Variants in RSRC1 observed in about 807,000 individuals in gnomAD.
RSRC1 encodes the protein arginine and serine rich coiled-coil 1.
RSRC1 carries 39 observed loss-of-function variants against 49.1 expected under a neutral mutation model. The observed-to-expected ratio is 0.79, with a 90% CI of 0.61 to 1.04. RSRC1 has a LOEUF of 1.04. Ranked by LOEUF, RSRC1 falls within the 50% of genes least tolerant of loss-of-function variation. The pLI is 0.00. For synonymous variants in RSRC1, 143 were observed against 130.8 expected (o/e 1.09, Z -0.63); for missense variants, 388 against 402.4 (o/e 0.96, Z 0.31).
At chr3:158,367,501 G>A (rs1401936698) in intron 6 of RSRC1, among the ~76,000 whole-genome samples, 1 of 152,098 alleles carries the variant, frequency 6.6e-6, no homozygotes, top group Admixed American at 6.6e-5. Flanking sequence ...TGATCATGGT[G>A]GATACGCTTT....
intron 3 of RSRC1, among the ~76,000 whole-genome samples, chr3:158,184,358 G>C (rs1265051396): frequency 6.6e-6 from 1 of 151,510 alleles, no homozygotes; most frequent in African/African-American, 2.4e-5. Flanking sequence ...CATATGCTTC[G>C]ATTTCAAGTT....
At chr3:158,179,632 TTAAC>T (rs1719465249) in intron 3 of RSRC1, among the ~76,000 whole-genome samples, 1 of 152,200 alleles carries the variant, frequency 6.6e-6, no homozygotes, top group Non-Finnish European at 1.5e-5. Flanking sequence ...CTCAGTTTGT[TTAAC>T]TATTATCCAT....
At position 158,202,565 on chromosome 3, in the gene RSRC1, TATATATA is replaced by T; in HGVS notation, c.321-506_321-500del. ...GTAGGGTTGTCAGTCTGGTAGATTATATATATATATATATATGTTTTATCAATATTGT... is the reference window on the plus strand; with the variant it reads ...GTAGGGTTGTCAGTCTGGTAGATTATTATATATATGTTTTATCAATATTGT... On this transcript the variant is annotated intron_variant, in intron 3 of 9. Transcript: ENST00000611884. 2.2e-5 allele frequency among the ~76,000 whole-genome samples: 3 copies of T among 137,232 alleles called. 1 individual carries two copies. Among genetic ancestry groups the T allele is most frequent in the African/African-American group, 5.7e-5 (2 of 35,368 alleles). The allele number at this position is 137,232 out of a possible 152,430, so 90.0% of individuals were successfully genotyped here. A position where few individuals can be genotyped will look rare whatever the true frequency, so the allele number is the denominator to read the frequency against.
Position 158,513,345 on chromosome 3 carries a change from A to C in RSRC1, c.653-23747A>C, listed in dbSNP as rs565487445. On this transcript the variant is annotated intron_variant, in intron 7 of 9. Transcript: ENST00000611884. ...CATGAAGGGTTGTTGAATTTTGTCA[A>C]AGGCCTTTTCTGCATCTATTGAGAT... 7.7e-3 allele frequency among the ~76,000 whole-genome samples: 1,178 copies of C among 152,264 alleles called. 13 individuals carry two copies. The highest frequency in any genetic ancestry group is 0.026 in the African/African-American group (1,098 of 41,544).
intron 7 of RSRC1, among the ~76,000 whole-genome samples, chr3:158,479,392 G>A (rs909438835): frequency 1.3e-5 from 2 of 151,648 alleles, no homozygotes; most frequent in African/African-American, 2.4e-5. Flanking sequence ...TGGAATTTGC[G>A]AACCACTGCC....
At chr3:158,147,286 G>T (rs1717201363) in intron 3 of RSRC1, among the ~76,000 whole-genome samples, 1 of 151,630 alleles carries the variant, frequency 6.6e-6, no homozygotes, top group Non-Finnish European at 1.5e-5. Flanking sequence ...TGTCACCCAG[G>T]TTTGAATGCA....
At chr3:158,233,427 A>T (rs1045121075) in intron 4 of RSRC1, among the ~76,000 whole-genome samples, 3 of 152,162 alleles carry the variant, frequency 2.0e-5, no homozygotes, top group Non-Finnish European at 4.4e-5. Flanking sequence ...ACTGATTGTT[A>T]TGAGAGTTAA....
chr3:158,168,130 T>G (rs1034939028), intron 3 of RSRC1, among the ~76,000 whole-genome samples: 5 of 152,170 alleles, frequency 3.3e-5, no homozygotes, highest in Non-Finnish European at 5.9e-5. Flanking sequence ...GTGGCTTCCC[T>G]CTACAATAGC....
intron 4 of RSRC1, among the ~76,000 whole-genome samples, chr3:158,278,411 G>C (rs939010761): frequency 6.6e-6 from 1 of 152,160 alleles, no homozygotes; most frequent in African/African-American, 2.4e-5. Context: ...TTCCACATCA[G>C]GTTGTACTGA....
At chr3:158,296,608 A>C (rs1450359364) in intron 4 of RSRC1, among the ~76,000 whole-genome samples, 1 of 152,114 alleles carries the variant, frequency 6.6e-6, no homozygotes, top group African/African-American at 2.4e-5. Flanking sequence ...TAAATGCATT[A>C]ATTTTGTAAT....
rs1740166787 is a variant in RSRC1 at position 158,511,339 on chromosome 3, G to A, written c.653-25753G>A. Among the ~76,000 whole-genome samples, 2 of 151,476 alleles carry A rather than the reference G, an allele frequency of 1.3e-5. 1 individual carries two copies. The highest frequency in any genetic ancestry group is 4.2e-4 in the South Asian group (2 of 4,786). On this transcript the variant is annotated intron_variant, in intron 7 of 9. Coordinates refer to ENST00000611884, the MANE Select transcript of RSRC1 (RefSeq NM_001271838.2). ...TTCTCTGTGTCCATGTGTTCTCATTGTTCAATTCCCACCTACGAGTGAGAA... is the reference window on the plus strand; with the variant it reads ...TTCTCTGTGTCCATGTGTTCTCATTATTCAATTCCCACCTACGAGTGAGAA...
chr3:158,294,187 A>T (rs1486627448), intron 4 of RSRC1, among the ~76,000 whole-genome samples: 1 of 151,720 alleles, frequency 6.6e-6, no homozygotes, highest in Non-Finnish European at 1.5e-5. Flanking sequence ...TCTTAATTCT[A>T]TCAGTTGTTT....
At chr3:158,203,613 A>G (rs1320636531) in intron 4 of RSRC1, among the ~76,000 whole-genome samples, 1 of 152,194 alleles carries the variant, frequency 6.6e-6, no homozygotes, top group Non-Finnish European at 1.5e-5. Flanking sequence ...TAGACTACTT[A>G]GTGATTAAAA....
At chr3:158,201,310 A>G (rs567660825) in intron 3 of RSRC1, among the ~76,000 whole-genome samples, 2 of 152,040 alleles carry the variant, frequency 1.3e-5, no homozygotes, top group Non-Finnish European at 2.9e-5. Flanking sequence ...GTTTTTATCA[A>G]TTTGACTGTA....
At chr3:158,161,472 A>T (rs557876094) in intron 3 of RSRC1, among the ~76,000 whole-genome samples, 5 of 152,162 alleles carry the variant, frequency 3.3e-5, no homozygotes, top group Admixed American at 2.0e-4. Flanking sequence ...ACTAATTTTA[A>T]ATGTGTGGGG....
intron 4 of RSRC1, among the ~76,000 whole-genome samples, chr3:158,271,936 G>A (rs973588055): frequency 2.0e-5 from 3 of 152,082 alleles, no homozygotes; most frequent in Admixed American, 1.3e-4. Flanking sequence ...GAGTATAATA[G>A]CATTGTATTT....
intron 6 of RSRC1, among the ~76,000 whole-genome samples, chr3:158,360,162 A>C (rs188363552): frequency 6.6e-6 from 1 of 152,020 alleles, no homozygotes; most frequent in Admixed American, 6.5e-5. Flanking sequence ...GAAGCCCTAG[A>C]GTTGGTGGCT....
chr3:158,451,367 A>G (rs1332377029), intron 6 of RSRC1, among the ~76,000 whole-genome samples: 1 of 152,058 alleles, frequency 6.6e-6, no homozygotes, highest in Non-Finnish European at 1.5e-5. Flanking sequence ...CTATTATTAT[A>G]TAGTCTTTAA....
chr3:158,231,869 A>G (rs1364351786), intron 4 of RSRC1, among the ~76,000 whole-genome samples: 1 of 152,154 alleles, frequency 6.6e-6, no homozygotes, highest in Non-Finnish European at 1.5e-5. Flanking sequence ...CGTACTTTTA[A>G]TACAGAATTA....
Sources: allele counts gnomAD v4.1 joint callset (sites outside exome capture counted in the v4.1 genomes callset), GRCh38; gene constraint gnomAD v4.1.1; transcripts MANE v1.5; gene names NCBI Gene and HGNC (gene_info 2026-07-23, HGNC 2026-07-21).